Variants in TRPV2 observed in about 807,000 individuals in gnomAD.
TRPV2 encodes the protein transient receptor potential cation channel subfamily V member 2.
A neutral mutation model predicts 91.0 loss-of-function variants in TRPV2; 58 were observed. The observed-to-expected ratio is 0.64, with a 90% CI of 0.52 to 0.79. TRPV2 has a LOEUF of 0.79. Ranked by LOEUF, TRPV2 falls within the 30% of genes least tolerant of loss-of-function variation. The pLI is 0.00. For missense variants in TRPV2, 807 were observed against 969.6 expected, an observed-to-expected ratio of 0.83 and a Z score of 2.23; for synonymous variants, 417 against 414.8, an observed-to-expected ratio of 1.01 and a Z score of -0.06.
At chr17:16,431,291 A>ATATATTT (rs1333090555) in intron 10 of TRPV2, among the ~76,000 whole-genome samples, 8 of 67,388 alleles carry the variant, frequency 1.2e-4, no homozygotes, top group Admixed American at 4.0e-4. Context: ...ATATATACAT[A>ATATATTT]TTTTTTTTTT....
At chr17:16,433,285 T>G in intron 12 of TRPV2, 1 of 320,058 alleles carries the variant, frequency 3.1e-6, no homozygotes, top group Non-Finnish European at 5.9e-6. Flanking sequence ...CCTGGAACGA[T>G]GTAAGAGCAA....
intron 3 of TRPV2, among the ~76,000 whole-genome samples, chr17:16,421,757 A>T (rs892352865): frequency 6.7e-6 from 1 of 149,332 alleles, no homozygotes; most frequent in Admixed American, 6.7e-5. Context: ...CGACCTCGTG[A>T]TCTGCCCACC....
At chr17:16,424,012 G>A (rs369966051) in intron 5 of TRPV2, among the ~76,000 whole-genome samples, 7 of 151,452 alleles carry the variant, frequency 4.6e-5, no homozygotes, top group East Asian at 1.9e-4. Context: ...TTTTTGAGAC[G>A]GTGTTTCGCT....
chr17:16,417,259 T>G (rs954269640), intron 1 of TRPV2, among the ~76,000 whole-genome samples: 6 of 150,914 alleles, frequency 4.0e-5, no homozygotes, highest in Non-Finnish European at 8.9e-5. Context: ...ACCGCAATTT[T>G]TTTTTTTTTT....
At chr17:16,424,893 T>C (rs959033023) in intron 5 of TRPV2, among the ~76,000 whole-genome samples, 2 of 148,844 alleles carry the variant, frequency 1.3e-5, no homozygotes, top group African/African-American at 4.9e-5. Flanking sequence ...CAAGATTTTA[T>C]ATATATAATA....
At position 16,423,475 on chromosome 17, in the gene TRPV2, T is replaced by C; in HGVS notation, c.632T>C (p.Leu211Pro). 6.2e-7 allele frequency: 1 copy of C among 1,603,476 alleles called. No individual in the cohort carries two copies. Among genetic ancestry groups the C allele is most frequent in the Middle Eastern group, 1.7e-4 (1 of 6,016 alleles). ...GQGTCFYFGE[L>P]PLSLAACTKQ... ...CTGCTCTCTTGGCCTGCAGGTGAGC[T>C]ACCCCTCTCTTTGGCCGCTTGCACC... is the stretch of plus-strand genomic sequence containing the variant. Residue 211 changes from leucine (L) to proline (P), a missense_variant, in exon 5 of 15, where the codon CTA becomes CCA. By Grantham distance (98) the Leu-to-Pro change is moderately conservative. Transcript: ENST00000338560.
chr17:16,433,493 T>C, intron 12 of TRPV2, 81 bp from the exon 13 acceptor site: 1 of 1,571,536 alleles, frequency 6.4e-7, no homozygotes. Context: ...GCGCGGCACT[T>C]CCCTGCTCCG....
At chr17:16,427,147 G>A (rs948032234) in intron 7 of TRPV2, among the ~76,000 whole-genome samples, 3 of 152,218 alleles carry the variant, frequency 2.0e-5, no homozygotes, top group Non-Finnish European at 2.9e-5. Context: ...ATCACCCCCA[G>A]TTTATAGTAG....
intron 10 of TRPV2, among the ~76,000 whole-genome samples, chr17:16,431,291 ATTTT>A (rs1167449708): frequency 0.077 from 5,162 of 67,162 alleles, 170 homozygotes; most frequent in Non-Finnish European, 0.083. Flanking sequence ...ATATATACAT[ATTTT>A]TTTTTTTTTT....
chr17:16,421,004 T>G (rs2093353964), intron 3 of TRPV2, among the ~76,000 whole-genome samples: 2 of 152,234 alleles, frequency 1.3e-5, no homozygotes, highest in Non-Finnish European at 2.9e-5. Flanking sequence ...TTCCTCCACT[T>G]AATACATCTT....
rs1220490672 is a variant in TRPV2 at position 16,422,926 on chromosome 17, G to A, written c.625+37G>A. On this transcript the variant is annotated intron_variant, in intron 4 of 14. Coordinates refer to ENST00000338560, the MANE Select transcript of TRPV2 (RefSeq NM_016113.5). ...TTTCTTGGATAAATCGAGGCAAAGA[G>A]AGAGTAAGGCCTGGTTCAAGGTCAC... The A allele has an allele frequency of 1.9e-6, 3 of 1,543,604 alleles. No homozygotes were observed. The Admixed American group carries it at 5.9e-5, about 30-fold the overall frequency.
chr17:16,431,925 C>T (rs758870510), intron 11 of TRPV2, 41 bp from the exon 12 acceptor site: 9 of 1,611,964 alleles, frequency 5.6e-6, no homozygotes, highest in African/African-American at 2.7e-5. Flanking sequence ...GGCTGCCCAC[C>T]GGTCTCCTGG....
At chr17:16,427,086 C>T (rs890080896) in intron 7 of TRPV2, among the ~76,000 whole-genome samples, 1 of 152,174 alleles carries the variant, frequency 6.6e-6, no homozygotes, top group African/African-American at 2.4e-5. Context: ...AGGTGATGGA[C>T]ATGTGTTGAC....
chr17:16,418,972 A>G (rs1277842650), intron 2 of TRPV2, among the ~76,000 whole-genome samples: 1 of 151,888 alleles, frequency 6.6e-6, no homozygotes, highest in Non-Finnish European at 1.5e-5. Context: ...CAGAGGTTGC[A>G]GTGAGCAGAG....
At chr17:16,436,697 G>A (rs535252217) in intron 14 of TRPV2, 92 bp from the exon 15 acceptor site, 9 of 862,600 alleles carry the variant, frequency 1.0e-5, no homozygotes, top group African/African-American at 3.3e-5. Flanking sequence ...ACGGCATGAC[G>A]TGTTTTCATG....
intron 12 of TRPV2, 96 bp downstream of exon 12, chr17:16,432,396 A>T: frequency 9.4e-7 from 1 of 1,067,582 alleles, no homozygotes; most frequent in Non-Finnish European, 1.3e-6. Context: ...CCTAGCCAGG[A>T]GATGCCGGGT....
intron 7 of TRPV2, 89 bp from the exon 8 acceptor site, chr17:16,427,360 C>A: frequency 1.5e-6 from 2 of 1,295,766 alleles, no homozygotes; most frequent in Non-Finnish European, 2.2e-6. Flanking sequence ...ACAGCTCAGG[C>A]TCAGAGTAGG....
chr17:16,436,708 A>T, intron 14 of TRPV2, 81 bp from the exon 15 acceptor site: 1 of 982,262 alleles, frequency 1.0e-6, no homozygotes, highest in Non-Finnish European at 1.6e-6. Flanking sequence ...TGTTTTCATG[A>T]CTGTGGCCCC....
Position 16,426,401 on chromosome 17 carries a change from G to A in TRPV2, c.1095+132G>A, listed in dbSNP as rs2093383458. 5 of 1,171,020 alleles carry A rather than the reference G, an allele frequency of 4.3e-6. No homozygotes were observed. Among genetic ancestry groups the A allele is most frequent in the Non-Finnish European group, 6.0e-6 (5 of 836,770 alleles). The allele number at this position is 1,171,020 out of a possible 1,614,324, so 72.5% of individuals were successfully genotyped here. A position where few individuals can be genotyped will look rare whatever the true frequency, so the allele number is the denominator to read the frequency against. ...AGTGGGGGTGTGGCTGCATGTCCCA[G>A]CAGGCACGACCCTGACCATGGCCAC... On this transcript the variant is annotated intron_variant, in intron 6 of 14. Coordinates refer to ENST00000338560, the MANE Select transcript of TRPV2 (RefSeq NM_016113.5). The surrounding 1 kb of genome is among the most constrained non-coding windows in gnomAD (Gnocchi z 6.0).
Sources: gnomAD v4.1 joint callset for allele counts (sites outside exome capture counted in the v4.1 genomes callset) on GRCh38, gnomAD v4.1.1 for gene constraint, Gnocchi (gnomAD v3.1) non-coding constraint, MANE v1.5 for transcripts, NCBI Gene and HGNC (gene_info 2026-07-23, HGNC 2026-07-21) for gene names.